The following KLRG1 variants were observed in gnomAD, a reference collection of about 807,000 sequenced individuals.
KLRG1 encodes the protein killer cell lectin-like receptor subfamily G member 1.
A neutral mutation model predicts 21.8 loss-of-function variants in KLRG1; 16 were observed. The ratio of observed to expected loss-of-function variants is 0.73; its 90% CI spans 0.50 to 1.11. The LOEUF is 1.11. Among genes scored for constraint, KLRG1 ranks in the 50% most tolerant of loss-of-function variants. The pLI, the probability that KLRG1 is intolerant of heterozygous loss-of-function variation, is 0.00. For synonymous variants in KLRG1, 69 were observed against 75.9 expected (o/e 0.91, Z 0.47); for missense variants, 173 against 218.3 (o/e 0.79, Z 1.31).
chr12:9,141,892 T>A, the KLRG1 span, among the ~76,000 whole-genome samples: 1 of 152,214 alleles, frequency 6.6e-6, no homozygotes, highest in Non-Finnish European at 1.5e-5. Flanking sequence ...GTGTCCTAGG[T>A]CTTACCTAGC....
upstream of KLRG1, among the ~76,000 whole-genome samples, chr12:8,987,872 C>A (rs1035870494): frequency 6.6e-6 from 1 of 152,130 alleles, no homozygotes; most frequent in Non-Finnish European, 1.5e-5. Flanking sequence ...TATGTGTAGA[C>A]CACATTTTGT....
At chr12:9,114,049 G>A in the KLRG1 span, among the ~76,000 whole-genome samples, 1 of 152,180 alleles carries the variant, frequency 6.6e-6, no homozygotes, top group African/African-American at 2.4e-5. Flanking sequence ...TATGGAATCT[G>A]AGCCTCAAAG....
chr12:9,135,196 T>C, the KLRG1 span: 2 of 236,610 alleles, frequency 8.5e-6, no homozygotes, highest in Middle Eastern at 1.1e-3. Context: ...AGCCACAGCC[T>C]GCAGGAACTG....
At chr12:8,987,796 G>C (rs1161985375), upstream of KLRG1, among the ~76,000 whole-genome samples, 2 of 152,090 alleles carry the variant, frequency 1.3e-5, no homozygotes, top group Non-Finnish European at 2.9e-5. Flanking sequence ...TTAGTATAAT[G>C]TTTTCAAGGT....
chr12:9,160,122 T>C, the KLRG1 span: 2 of 1,240,686 alleles, frequency 1.6e-6, no homozygotes. Flanking sequence ...GGACATTTTA[T>C]GACCTTCTGT....
the KLRG1 span, among the ~76,000 whole-genome samples, chr12:9,146,188 G>A: frequency 6.6e-6 from 1 of 151,876 alleles, no homozygotes. Context: ...TGCTACATAA[G>A]TTCCTTAGGT....
chr12:9,009,709 T>A lies in KLRG1; in HGVS notation c.*172T>A. On this transcript the variant is annotated 3_prime_UTR_variant, in exon 5 of 5. Coordinates refer to ENST00000356986, the MANE Select transcript of KLRG1 (RefSeq NM_005810.4). ...TAGGGATTGATGCCTAACTGATGGA[T>A]TCTCTTTGAGACTATTTAGATATTA... is the stretch of plus-strand genomic sequence containing the variant. 7.0e-7 allele frequency: 1 copy of A among 1,425,846 alleles called. No individual in the cohort carries two copies. 88.3% of individuals were successfully genotyped at this position (1,425,846 alleles called of 1,614,324 possible). A position where few individuals can be genotyped will look rare whatever the true frequency, so the allele number is the denominator to read the frequency against.
the KLRG1 span, chr12:9,089,941 G>A: frequency 2.6e-5 from 42 of 1,611,216 alleles, no homozygotes; most frequent in Non-Finnish European, 3.1e-5. Flanking sequence ...CTTTCCTTCC[G>A]TGTTCAGGAA....
intron 1 of KLRG1, among the ~76,000 whole-genome samples, chr12:8,979,789 G>A (rs1946725093): frequency 1.3e-5 from 2 of 151,878 alleles, no homozygotes; most frequent in Non-Finnish European, 2.9e-5. Flanking sequence ...CAAATAACCT[G>A]TGTTTGAGGT....
chr12:9,106,816 A>C, the KLRG1 span, among the ~76,000 whole-genome samples: 1 of 152,316 alleles, frequency 6.6e-6, no homozygotes, highest in South Asian at 2.1e-4. Flanking sequence ...TGGTATCTGA[A>C]ATTCCCTAGA....
chr12:9,086,422 T>C, the KLRG1 span, among the ~76,000 whole-genome samples: 3 of 152,026 alleles, frequency 2.0e-5, no homozygotes, highest in Admixed American at 6.6e-5. Flanking sequence ...AATCCAACAA[T>C]ACAGTAAAAG....
At chr12:9,124,360 C>T in the KLRG1 span, among the ~76,000 whole-genome samples, 1 of 152,144 alleles carries the variant, frequency 6.6e-6, no homozygotes, top group African/African-American at 2.4e-5. Context: ...GGCTGCAGAC[C>T]GCGGCCTCCT....
chr12:8,965,879 A>G (rs1946462749), intron 1 of KLRG1, among the ~76,000 whole-genome samples: 1 of 152,234 alleles, frequency 6.6e-6, no homozygotes, highest in South Asian at 2.1e-4. Context: ...CACATTGCCA[A>G]GTCAATCCTA....
the KLRG1 span, chr12:9,202,824 TGAC>T: frequency 1.3e-6 from 1 of 797,638 alleles, no homozygotes; most frequent in South Asian, 1.9e-5. Context: ...GACATAAGAG[TGAC>T]GATATTAATG....
At chr12:9,045,851 T>C in the KLRG1 span, among the ~76,000 whole-genome samples, 7 of 152,326 alleles carry the variant, frequency 4.6e-5, no homozygotes, top group Non-Finnish European at 4.4e-5. Context: ...CATGGAATAC[T>C]ATGCAGCCAT....
At chr12:9,125,550 A>C in the KLRG1 span, among the ~76,000 whole-genome samples, 2,238 of 152,358 alleles carry the variant, frequency 0.015, 41 homozygotes, top group South Asian at 0.056. Context: ...CATTATTTTC[A>C]ATTGACGAAA....
the KLRG1 span, among the ~76,000 whole-genome samples, chr12:9,053,439 A>T: frequency 3.9e-5 from 6 of 152,162 alleles, no homozygotes; most frequent in Non-Finnish European, 7.4e-5. Context: ...TGCAGGATGA[A>T]AATGCTCGCG....
At chr12:9,005,926 G>A (rs188932700) in intron 3 of KLRG1, among the ~76,000 whole-genome samples, 100 of 152,326 alleles carry the variant, frequency 6.6e-4, no homozygotes, top group African/African-American at 2.2e-3. Flanking sequence ...ATGCTGGCCC[G>A]CCTAGCCGCT....
At chr12:9,007,292 A>G (rs1947500871) in intron 3 of KLRG1, among the ~76,000 whole-genome samples, 1 of 152,014 alleles carries the variant, frequency 6.6e-6, no homozygotes, top group African/African-American at 2.4e-5. Context: ...ACAGAGCCTC[A>G]CTCCGTCACC....
Sources: gnomAD v4.1 joint callset for allele counts (sites outside exome capture counted in the v4.1 genomes callset) on GRCh38, gnomAD v4.1.1 for gene constraint, MANE v1.5 for transcripts, NCBI Gene and HGNC (gene_info 2026-07-23, HGNC 2026-07-21) for gene names.